The following PTPRN2 variants were observed in gnomAD, a reference collection of about 807,000 sequenced individuals.
The protein encoded by PTPRN2 is receptor-type tyrosine-protein phosphatase N2.
PTPRN2 carries 74 observed loss-of-function variants against 118.8 expected under a neutral mutation model. That is an observed-to-expected ratio of 0.62 (90% CI 0.52 to 0.76). The LOEUF is 0.76. Ranked by LOEUF, PTPRN2 falls within the 30% of genes least tolerant of loss-of-function variation. The probability of loss-of-function intolerance (pLI) is 0.00; values close to 1 mark genes in which losing one functional copy is unlikely to be tolerated. For synonymous variants in PTPRN2, 641 were observed against 608.0 expected (o/e 1.05, Z -0.80); for missense variants, 1,481 against 1,394.4 (o/e 1.06, Z -0.99).
At chr7:158,215,579 T>A (rs1055394183) in intron 3 of PTPRN2, among the ~76,000 whole-genome samples, 2 of 152,060 alleles carry the variant, frequency 1.3e-5, no homozygotes, top group African/African-American at 4.8e-5. Flanking sequence ...AATAATTAAG[T>A]TTCTGAAAAC....
intron 12 of PTPRN2, among the ~76,000 whole-genome samples, chr7:157,894,786 C>T (rs530241840): frequency 1.3e-5 from 2 of 152,166 alleles, no homozygotes; most frequent in Non-Finnish European, 2.9e-5. Context: ...AGCCCAGGAA[C>T]AGACCACCTA....
chr7:157,816,420 A>G (rs1420227847), intron 12 of PTPRN2, among the ~76,000 whole-genome samples: 2 of 152,216 alleles, frequency 1.3e-5, no homozygotes, highest in Non-Finnish European at 2.9e-5. Context: ...CTTGGAAGCC[A>G]AGGGCTGGCA....
rs1482046806 is a variant in PTPRN2, at chr7:157,619,814, C to T, written c.2344+1548G>A. ...TGGAAGGAGGGCAAGGGCAGTGCCT[C>T]TCCCTGGCGTGGGGGGCTGTGCTGC... is the stretch of plus-strand genomic sequence containing the variant. On this transcript the variant is annotated intron_variant, in intron 15 of 22. Transcript: ENST00000389418. The surrounding 1 kb of genome is among the most constrained non-coding windows in gnomAD (Gnocchi z 5.3). Among the ~76,000 whole-genome samples the T allele has an allele frequency of 3.3e-5, 5 of 152,220 alleles. No homozygotes were observed. Among genetic ancestry groups the T allele is most frequent in the Non-Finnish European group, 7.3e-5 (5 of 68,032 alleles).
At chr7:157,837,316 C>T (rs1808040933) in intron 12 of PTPRN2, among the ~76,000 whole-genome samples, 2 of 151,356 alleles carry the variant, frequency 1.3e-5, no homozygotes, top group South Asian at 2.1e-4. Flanking sequence ...CCCATCGACA[C>T]GTCCCTCCAT....
At chr7:157,879,136 T>C (rs564866507) in intron 12 of PTPRN2, among the ~76,000 whole-genome samples, 2 of 146,166 alleles carry the variant, frequency 1.4e-5, no homozygotes, top group East Asian at 4.2e-4. Context: ...AGCTCTCGGA[T>C]TCCGTGGGGC....
At chr7:157,753,460 A>G (rs1427055443) in intron 12 of PTPRN2, among the ~76,000 whole-genome samples, 1 of 152,142 alleles carries the variant, frequency 6.6e-6, no homozygotes, top group Non-Finnish European at 1.5e-5. Context: ...CAAAGTGACC[A>G]GCACAGGCAC....
intron 12 of PTPRN2, among the ~76,000 whole-genome samples, chr7:157,722,354 CA>C (rs1378097357): frequency 6.6e-6 from 1 of 152,212 alleles, no homozygotes; most frequent in African/African-American, 2.4e-5. Flanking sequence ...CATGGTCTCT[CA>C]GGGGGGGTCC....
rs113181301 is a variant in PTPRN2, at chr7:158,103,489, G to A, written c.1643+7340C>T. Reference sequence around the variant, plus strand: ...AACGTGGCTGTGCCCATGGAGCAGCGATGTCCGAGGCAGGGCCCACTCTCT... The same window carrying A: ...AACGTGGCTGTGCCCATGGAGCAGCAATGTCCGAGGCAGGGCCCACTCTCT... On this transcript the variant is annotated intron_variant, in intron 10 of 22. Coordinates refer to ENST00000389418, the MANE Select transcript of PTPRN2 (RefSeq NM_002847.5). Among the ~76,000 whole-genome samples, 940 of 152,326 alleles carry A rather than the reference G, an allele frequency of 6.2e-3. 12 individuals are homozygous for A. Among genetic ancestry groups the A allele is most frequent in the African/African-American group, 0.022 (895 of 41,564 alleles).
intron 2 of PTPRN2, among the ~76,000 whole-genome samples, chr7:158,337,633 C>T (rs1372001239): frequency 8.1e-6 from 1 of 123,446 alleles, no homozygotes. Context: ...CACCTGCAGA[C>T]GTCATTCACA....
At chr7:157,981,138 A>G (rs1184692831) in intron 11 of PTPRN2, among the ~76,000 whole-genome samples, 1 of 152,268 alleles carries the variant, frequency 6.6e-6, no homozygotes, top group Admixed American at 6.5e-5. Flanking sequence ...TTGAGTGGAT[A>G]AACAGCCTTT....
Position 158,167,224 on chromosome 7 carries a change from G to T in PTPRN2, c.617C>A (p.Pro206His). ...VAHTSALTYP[P>H]GSRTQLREDL... The stretch of plus-strand genomic sequence containing the variant: ...CTCGCGGAGCTGGGTCCGGGACCCG[G>T]GAGGGTAGGTCAGCGCAGACGTGTG... Residue 206 changes from proline to histidine, a missense_variant, in exon 6 of 23, where the codon CCC becomes CAC. Pro to His is a moderately conservative substitution (Grantham distance 77). This residue lies in a region of PTPRN2 where 1,115 missense variants were observed against 994.2 expected (regional missense o/e 1.12). Transcript: ENST00000389418. The T allele has an allele frequency of 6.2e-7, 1 of 1,613,492 alleles. No individual in the cohort carries two copies. The highest frequency in any genetic ancestry group is 8.5e-7 in the Non-Finnish European group (1 of 1,179,904).
chr7:158,188,650 CCT>C lies in PTPRN2; in HGVS notation c.549+3675_549+3676del, dbSNP rs756925681. Among the ~76,000 whole-genome samples, 31 of 143,170 alleles carry C rather than the reference CCT, an allele frequency of 2.2e-4. No homozygotes were observed. In the East Asian group the frequency reaches 5.0e-3, roughly 23 times the overall value. The allele number at this position is 143,170 out of a possible 152,430, so 93.9% of individuals were successfully genotyped here. A position where few individuals can be genotyped will look rare whatever the true frequency, so the allele number is the denominator to read the frequency against. ...ATGGGGAAGGCCGCCACGCTCGCCC[CCT>C]GATGGGGAAGGCCGCCACGCTCGCC... On this transcript the variant is annotated intron_variant, in intron 5 of 22. Transcript: ENST00000389418.
chr7:158,293,231 G>A (rs765505631), intron 3 of PTPRN2, among the ~76,000 whole-genome samples: 3 of 151,884 alleles, frequency 2.0e-5, no homozygotes, highest in Non-Finnish European at 4.4e-5. Flanking sequence ...GTATACTTAG[G>A]CTACACTAAA....
intron 10 of PTPRN2, among the ~76,000 whole-genome samples, chr7:158,103,781 C>A (rs1309307060): frequency 6.6e-6 from 1 of 152,196 alleles, no homozygotes; most frequent in Non-Finnish European, 1.5e-5. Context: ...CTTTGTAATG[C>A]CCATGAAGTC....
intron 15 of PTPRN2, among the ~76,000 whole-genome samples, chr7:157,608,911 C>T (rs1802166684): frequency 6.6e-6 from 1 of 152,298 alleles, no homozygotes; most frequent in East Asian, 1.9e-4. Context: ...AACGGGTGTG[C>T]TCTATCAAAA....
intron 2 of PTPRN2, among the ~76,000 whole-genome samples, chr7:158,377,706 A>C (rs1175255522): frequency 5.3e-5 from 8 of 152,250 alleles, no homozygotes; most frequent in African/African-American, 1.4e-4. Context: ...TACGCACGAC[A>C]GCTGAAAAGT....
At chr7:158,539,727 T>C (rs904875902) in intron 1 of PTPRN2, 8 of 253,238 alleles carry the variant, frequency 3.2e-5, no homozygotes, top group South Asian at 1.8e-4. Flanking sequence ...GCTGGGGACA[T>C]ACTGTGAGCC....
chr7:158,143,515 C>T (rs1460949481), intron 6 of PTPRN2, among the ~76,000 whole-genome samples: 1 of 152,140 alleles, frequency 6.6e-6, no homozygotes, highest in South Asian at 2.1e-4. Flanking sequence ...ACGGTGGACA[C>T]CAGTCCCCGT....
At chr7:158,540,621 C>A (rs989168551) in intron 1 of PTPRN2, among the ~76,000 whole-genome samples, 1 of 152,208 alleles carries the variant, frequency 6.6e-6, no homozygotes, top group Admixed American at 6.5e-5. Context: ...AGCGTCACCA[C>A]CCCACATCCA....
Sources: allele counts gnomAD v4.1 joint callset (sites outside exome capture counted in the v4.1 genomes callset), GRCh38; gene constraint gnomAD v4.1.1; regional missense constraint gnomAD v4.1.1; non-coding constraint Gnocchi (gnomAD v3.1); transcripts MANE v1.5; gene names NCBI Gene and HGNC (gene_info 2026-07-23, HGNC 2026-07-21).